SCOC: variants seen among roughly 807,000 people sequenced by gnomAD.
The protein encoded by SCOC is short coiled coil protein.
In SCOC, 7 loss-of-function variants were observed where a neutral mutation model predicts 9.9. The ratio of observed to expected loss-of-function variants is 0.71; its 90% CI spans 0.40 to 1.33. The LOEUF is 1.33. SCOC is among the 40% of genes most tolerant of loss of function. The pLI, the probability that SCOC is intolerant of heterozygous loss-of-function variation, is 0.01. For missense variants in SCOC, 66 were observed against 89.7 expected (o/e 0.74, Z 1.07); for synonymous variants, 19 against 28.2 (o/e 0.67, Z 1.03).
At chr4:140,279,527 A>G (rs913797644) in intron 1 of SCOC, among the ~76,000 whole-genome samples, 13 of 152,294 alleles carry the variant, frequency 8.5e-5, no homozygotes, top group Non-Finnish European at 1.5e-4. Context: ...ACGCTAAATA[A>G]TAAGTACTAG....
At chr4:140,318,222 G>T (rs1732388902) in intron 1 of SCOC, among the ~76,000 whole-genome samples, 1 of 136,994 alleles carries the variant, frequency 7.3e-6, no homozygotes, top group Admixed American at 7.2e-5. Flanking sequence ...AGCCAAAATT[G>T]ACAAATGGGA....
chr4:140,344,981 G>A (rs959264357), intron 2 of SCOC, among the ~76,000 whole-genome samples: 3 of 152,016 alleles, frequency 2.0e-5, no homozygotes, highest in African/African-American at 7.3e-5. Flanking sequence ...ACTCTCTGAC[G>A]CACCTCATCA....
upstream of SCOC, chr4:140,373,437 C>T (rs1360907099): frequency 3.9e-6 from 6 of 1,524,724 alleles, no homozygotes; most frequent in Admixed American, 8.3e-5. Flanking sequence ...GTCCCGCCCA[C>T]AGCGACCTCA....
intron 1 of SCOC, among the ~76,000 whole-genome samples, chr4:140,298,817 C>T (rs1386698816): frequency 1.3e-5 from 2 of 152,062 alleles, no homozygotes; most frequent in African/African-American, 4.8e-5. Context: ...TAAATTAATT[C>T]ATTATTATTA....
intron 1 of SCOC, among the ~76,000 whole-genome samples, chr4:140,375,877 G>A (rs775600087): frequency 6.6e-6 from 1 of 152,182 alleles, no homozygotes; most frequent in Non-Finnish European, 1.5e-5. Context: ...TCTGGGGTAA[G>A]GTGGTTTAGG....
intron 1 of SCOC, among the ~76,000 whole-genome samples, chr4:140,329,898 T>C (rs893223793): frequency 2.0e-4 from 30 of 152,198 alleles, no homozygotes; most frequent in African/African-American, 7.2e-4. Context: ...AGTGTGGAGT[T>C]TCCTTAAAGA....
At chr4:140,365,597 T>G (rs75923154) in intron 2 of SCOC, among the ~76,000 whole-genome samples, 2,267 of 152,324 alleles carry the variant, frequency 0.015, 43 homozygotes, top group African/African-American at 0.053. Context: ...CTGACTCTCC[T>G]TCCTCCCTTT....
chr4:140,274,100 T>C (rs1246407913), intron 1 of SCOC, among the ~76,000 whole-genome samples: 2 of 152,228 alleles, frequency 1.3e-5, no homozygotes, highest in Non-Finnish European at 2.9e-5. Flanking sequence ...TTTAAAATCA[T>C]AGGGAAAAGA....
chr4:140,299,458 G>A (rs959341253), intron 1 of SCOC, among the ~76,000 whole-genome samples: 3 of 152,128 alleles, frequency 2.0e-5, no homozygotes, highest in Non-Finnish European at 4.4e-5. Context: ...AATTGGGACT[G>A]TTCAGCTGCC....
At chr4:140,258,723 G>GAAAC (rs1730565339) in intron 1 of SCOC, among the ~76,000 whole-genome samples, 1 of 152,230 alleles carries the variant, frequency 6.6e-6, no homozygotes, top group Non-Finnish European at 1.5e-5. Flanking sequence ...GAGTTGTTGA[G>GAAAC]TAAGCCCCAA....
At chr4:140,309,196 G>C (rs1372559443) in intron 1 of SCOC, among the ~76,000 whole-genome samples, 1 of 152,244 alleles carries the variant, frequency 6.6e-6, no homozygotes, top group African/African-American at 2.4e-5. Context: ...TAGGTGAAGA[G>C]TCACGCAGCA....
At chr4:140,379,987 A>C (rs1728501761) in intron 3 of SCOC, among the ~76,000 whole-genome samples, 1 of 152,142 alleles carries the variant, frequency 6.6e-6, no homozygotes, top group African/African-American at 2.4e-5. Flanking sequence ...GGAGATTAAA[A>C]AGGAATTCAT....
intron 1 of SCOC, among the ~76,000 whole-genome samples, chr4:140,322,508 T>A (rs1054114530): frequency 6.6e-6 from 1 of 152,186 alleles, no homozygotes; most frequent in Non-Finnish European, 1.5e-5. Context: ...CCACCCATGT[T>A]ACAAAGTAGC....
chr4:140,355,209 TTTTATA>T (rs1215692173), intron 2 of SCOC, among the ~76,000 whole-genome samples: 6 of 10,192 alleles, frequency 5.9e-4, no homozygotes, highest in Non-Finnish European at 8.5e-4. Flanking sequence ...TACATTATAT[TTTTATA>T]TATATATATA....
intron 1 of SCOC, chr4:140,374,316 G>A: frequency 2.6e-6 from 1 of 380,622 alleles, no homozygotes; most frequent in Non-Finnish European, 5.3e-6. Flanking sequence ...ATTCCTGAAA[G>A]GCAGGGCTTC....
chr4:140,266,916 T>C (rs775744550), intron 1 of SCOC, among the ~76,000 whole-genome samples: 4 of 152,114 alleles, frequency 2.6e-5, no homozygotes, highest in African/African-American at 4.8e-5. Flanking sequence ...CTGGGGCTCG[T>C]TGTATTTTCA....
At chr4:140,266,604 TG>T (rs1473256787) in intron 1 of SCOC, among the ~76,000 whole-genome samples, 1 of 152,116 alleles carries the variant, frequency 6.6e-6, no homozygotes, top group Non-Finnish European at 1.5e-5. Context: ...GTCTCTAACA[TG>T]GGGATGGGGC....
intron 2 of SCOC, among the ~76,000 whole-genome samples, chr4:140,350,237 T>C (rs917119546): frequency 1.1e-4 from 16 of 148,180 alleles, no homozygotes; most frequent in African/African-American, 3.8e-4. Flanking sequence ...CCCTAACTTA[T>C]CTCTGTCTGC....
At chr4:140,315,585 T>C (rs754511512) in intron 1 of SCOC, among the ~76,000 whole-genome samples, 3 of 152,198 alleles carry the variant, frequency 2.0e-5, no homozygotes, top group Non-Finnish European at 4.4e-5. Flanking sequence ...TTTATTCTAT[T>C]AGTAGGTCCA....
Sources: gnomAD v4.1 joint callset for allele counts (sites outside exome capture counted in the v4.1 genomes callset) on GRCh38, gnomAD v4.1.1 for gene constraint, MANE v1.5 for transcripts, NCBI Gene and HGNC (gene_info 2026-07-23, HGNC 2026-07-21) for gene names.